Variants in AGBL4 observed in about 807,000 individuals in gnomAD.
The protein encoded by AGBL4 is AGBL carboxypeptidase 4, also known as cytosolic carboxypeptidase 6.
Under a neutral mutation model 66.4 loss-of-function variants are expected in AGBL4, and 58 were observed. That is an observed-to-expected ratio of 0.87 (90% CI 0.71 to 1.09). The LOEUF (loss-of-function observed/expected upper bound fraction) is 1.09, where lower values mean the gene tolerates loss of function less well. AGBL4 is among the 50% of genes least tolerant of loss of function. The probability of loss-of-function intolerance (pLI) is 0.00; values close to 1 mark genes in which losing one functional copy is unlikely to be tolerated. For synonymous variants in AGBL4, 234 were observed against 222.9 expected (o/e 1.05, Z -0.44); for missense variants, 579 against 631.0 (o/e 0.92, Z 0.88).
At chr1:49,770,422 G>T (rs1571529566) in intron 2 of AGBL4, among the ~76,000 whole-genome samples, 1 of 152,104 alleles carries the variant, frequency 6.6e-6, no homozygotes, top group East Asian at 1.9e-4. Context: ...AATTCAGTTT[G>T]CCGGTGTCTT....
chr1:49,858,220 T>C (rs920794594), intron 1 of AGBL4, among the ~76,000 whole-genome samples: 1 of 151,820 alleles, frequency 6.6e-6, no homozygotes, highest in Non-Finnish European at 1.5e-5. Context: ...AAATAGCAAA[T>C]GCAGGCGAGG....
intron 2 of AGBL4, among the ~76,000 whole-genome samples, chr1:49,843,350 G>C (rs546375488): frequency 6.6e-6 from 1 of 151,910 alleles, no homozygotes; most frequent in Non-Finnish European, 1.5e-5. Context: ...TTTTGCCCAG[G>C]CATGTCTTGA....
intron 1 of AGBL4, among the ~76,000 whole-genome samples, chr1:49,979,510 G>A (rs1272469852): frequency 6.6e-6 from 1 of 151,916 alleles, no homozygotes; most frequent in Non-Finnish European, 1.5e-5. Context: ...ACATTACATG[G>A]TATATTCACA....
intron 3 of AGBL4, among the ~76,000 whole-genome samples, chr1:49,434,657 G>A (rs988278956): frequency 6.6e-6 from 1 of 151,672 alleles, no homozygotes; most frequent in African/African-American, 2.4e-5. Flanking sequence ...ATCTGTTCTT[G>A]TGGTGGTGGT....
intron 1 of AGBL4, among the ~76,000 whole-genome samples, chr1:49,855,758 T>A (rs1334806608): frequency 1.3e-5 from 2 of 151,992 alleles, no homozygotes; most frequent in Non-Finnish European, 2.9e-5. Context: ...GCAAAAGCAG[T>A]GCTAAGGATA....
At chr1:49,907,209 A>G (rs1281844590) in intron 1 of AGBL4, among the ~76,000 whole-genome samples, 1 of 152,160 alleles carries the variant, frequency 6.6e-6, no homozygotes, top group African/African-American at 2.4e-5. Flanking sequence ...TTGGTATAAG[A>G]CACCATAATA....
chr1:48,614,402 G>A (rs320025), intron 9 of AGBL4, among the ~76,000 whole-genome samples: 29,417 of 152,196 alleles, frequency 0.19, 3,470 homozygotes, highest in African/African-American at 0.32. Flanking sequence ...CCAAGGGTCT[G>A]TGATTTGATT....
chr1:49,968,503 G>A (rs1160850564), intron 1 of AGBL4, among the ~76,000 whole-genome samples: 1 of 152,068 alleles, frequency 6.6e-6, no homozygotes, highest in African/African-American at 2.4e-5. Context: ...TTCTAACAAC[G>A]TTTTGGCAGA....
intron 1 of AGBL4, among the ~76,000 whole-genome samples, chr1:49,882,971 G>A (rs1647569560): frequency 6.6e-6 from 1 of 152,080 alleles, no homozygotes; most frequent in Non-Finnish European, 1.5e-5. Context: ...TCATAAATAT[G>A]TGAGCTTAGT....
intron 8 of AGBL4, among the ~76,000 whole-genome samples, chr1:48,652,224 A>G (rs2148440749): frequency 6.6e-6 from 1 of 152,276 alleles, no homozygotes; most frequent in African/African-American, 2.4e-5. Flanking sequence ...AAATACACAA[A>G]CAAATAAATA....
intron 3 of AGBL4, among the ~76,000 whole-genome samples, chr1:49,282,277 T>A (rs1004179577): frequency 6.6e-6 from 1 of 152,236 alleles, no homozygotes; most frequent in Admixed American, 6.5e-5. Flanking sequence ...GCTTTTGTGT[T>A]GCTCTAAAGT....
intron 6 of AGBL4, among the ~76,000 whole-genome samples, chr1:48,717,368 C>T (rs1164181575): frequency 6.6e-6 from 1 of 152,214 alleles, no homozygotes; most frequent in East Asian, 1.9e-4. Context: ...TAAAATTTTA[C>T]ATACATAGTC....
intron 2 of AGBL4, among the ~76,000 whole-genome samples, chr1:49,833,070 T>C (rs1372526296): frequency 3.5e-4 from 53 of 152,156 alleles, no homozygotes; most frequent in African/African-American, 1.2e-3. Context: ...TCCTTGCCCG[T>C]GCCTATGTCC....
At chr1:49,963,921 A>G (rs1657333454) in intron 1 of AGBL4, among the ~76,000 whole-genome samples, 1 of 152,120 alleles carries the variant, frequency 6.6e-6, no homozygotes, top group Admixed American at 6.6e-5. Context: ...TAAGAATGGA[A>G]TGGAAAGCTG....
chr1:49,781,358 T>C (rs1644332323), intron 2 of AGBL4, among the ~76,000 whole-genome samples: 1 of 152,090 alleles, frequency 6.6e-6, no homozygotes, highest in Non-Finnish European at 1.5e-5. Context: ...CATACCACTG[T>C]ACTCTCCAGC....
intron 11 of AGBL4, 86 bp from the exon 12 acceptor site, chr1:48,539,824 A>G: frequency 1.1e-6 from 1 of 911,124 alleles, no homozygotes; most frequent in Non-Finnish European, 1.5e-6. Context: ...AATAACAGTA[A>G]TAAAAACAGT....
rs553422393 is a variant in AGBL4, at chr1:49,195,854, G to A, written c.377+49916C>T. ...GAATTGTAATCTCCACGATCATCAT[G>A]TATCTAGGGAGAGATCTGGTAGGAG... On this transcript the variant is annotated intron_variant, in intron 4 of 13. Coordinates refer to ENST00000371839, the MANE Select transcript of AGBL4 (RefSeq NM_032785.4). Among the ~76,000 whole-genome samples, 8 of 152,240 alleles carry A rather than the reference G, an allele frequency of 5.3e-5. No individual in the cohort carries two copies. The South Asian group carries it at 1.2e-3, about 24-fold the overall frequency.
chr1:48,911,592 C>T (rs1385147516), intron 5 of AGBL4, among the ~76,000 whole-genome samples: 1 of 148,790 alleles, frequency 6.7e-6, no homozygotes, highest in Non-Finnish European at 1.5e-5. Context: ...TGCACTCCAG[C>T]CTGGATGACT....
intron 1 of AGBL4, chr1:49,995,428 C>T: frequency 2.6e-6 from 1 of 384,670 alleles, no homozygotes; most frequent in Non-Finnish European, 5.2e-6. Flanking sequence ...GCCATAATCC[C>T]CCTGAGAACA....
Sources: gnomAD v4.1 joint callset for allele counts (sites outside exome capture counted in the v4.1 genomes callset) on GRCh38, gnomAD v4.1.1 for gene constraint, MANE v1.5 for transcripts, NCBI Gene and HGNC (gene_info 2026-07-23, HGNC 2026-07-21) for gene names.